PIGK: variants seen among roughly 807,000 people sequenced by gnomAD.
PIGK encodes the protein GPI-anchor transamidase.
PIGK carries 42 observed loss-of-function variants against 50.6 expected under a neutral mutation model. The ratio of observed to expected loss-of-function variants is 0.83; its 90% CI spans 0.65 to 1.07. PIGK has a LOEUF of 1.07. Ranked by LOEUF, PIGK falls within the 50% of genes least tolerant of loss-of-function variation. PIGK has a pLI of 0.00. For missense variants in PIGK, 448 were observed against 488.7 expected, an observed-to-expected ratio of 0.92 and a Z score of 0.78; for synonymous variants, 151 against 156.0, an observed-to-expected ratio of 0.97 and a Z score of 0.24.
chr1:77,204,256 G>C (rs938810821), intron 3 of PIGK, among the ~76,000 whole-genome samples: 3 of 152,080 alleles, frequency 2.0e-5, no homozygotes, highest in African/African-American at 7.2e-5. Context: ...TGCAGATAAG[G>C]GATGAAATAA....
intron 3 of PIGK, 134 bp from the exon 4 acceptor site, chr1:77,169,529 G>T: frequency 1.7e-6 from 1 of 595,448 alleles, no homozygotes; most frequent in East Asian, 3.1e-5. Flanking sequence ...CATAGTTGAA[G>T]GCAATTTAAT....
intron 3 of PIGK, among the ~76,000 whole-genome samples, chr1:77,187,131 A>G (rs1655769435): frequency 6.6e-6 from 1 of 152,128 alleles, no homozygotes; most frequent in Non-Finnish European, 1.5e-5. Context: ...CATGGAATTC[A>G]CTGGTCTTAC....
chr1:77,094,273 G>A (rs1436360960), intron 10 of PIGK, among the ~76,000 whole-genome samples: 9 of 152,122 alleles, frequency 5.9e-5, no homozygotes, highest in Non-Finnish European at 1.3e-4. Context: ...ATCAGATACT[G>A]ATTTTCCCTA....
At chr1:77,182,884 T>TATC (rs1655652887) in intron 3 of PIGK, among the ~76,000 whole-genome samples, 1 of 152,196 alleles carries the variant, frequency 6.6e-6, no homozygotes, top group South Asian at 2.1e-4. Flanking sequence ...CATAATACCT[T>TATC]TGACCATATC....
At chr1:77,130,124 T>C (rs1008053093) in intron 9 of PIGK, among the ~76,000 whole-genome samples, 2 of 151,458 alleles carry the variant, frequency 1.3e-5, no homozygotes, top group Non-Finnish European at 2.9e-5. Context: ...CAGAAATTCT[T>C]TGAAATAGAT....
chr1:77,190,968 G>A (rs537452776), intron 3 of PIGK, among the ~76,000 whole-genome samples: 3 of 152,282 alleles, frequency 2.0e-5, no homozygotes, highest in Middle Eastern at 3.4e-3. Flanking sequence ...CCACCTCACC[G>A]TTCCCTTCCC....
intron 9 of PIGK, among the ~76,000 whole-genome samples, chr1:77,145,972 C>A (rs1654757868): frequency 6.6e-6 from 1 of 151,966 alleles, no homozygotes. Flanking sequence ...GGAGTTATGT[C>A]CCAATAAACT....
At chr1:77,151,400 C>T (rs528366704) in intron 9 of PIGK, among the ~76,000 whole-genome samples, 1 of 152,016 alleles carries the variant, frequency 6.6e-6, no homozygotes, top group Non-Finnish European at 1.5e-5. Flanking sequence ...ATACTTAATG[C>T]GGAACAACTG....
intron 10 of PIGK, among the ~76,000 whole-genome samples, chr1:77,109,478 C>G (rs1016424645): frequency 6.6e-6 from 1 of 152,164 alleles, no homozygotes; most frequent in Admixed American, 6.5e-5. Context: ...TAAACGTAAT[C>G]CAGCATATAA....
chr1:77,208,819 C>T (rs1474497510), intron 2 of PIGK, among the ~76,000 whole-genome samples: 1 of 152,034 alleles, frequency 6.6e-6, no homozygotes, highest in Non-Finnish European at 1.5e-5. Context: ...TTGGAATCAC[C>T]CTATTTACTT....
chr1:77,168,239 T>C (rs1655276878), intron 4 of PIGK, among the ~76,000 whole-genome samples: 1 of 152,184 alleles, frequency 6.6e-6, no homozygotes, highest in Admixed American at 6.5e-5. Context: ...AGCCAACAGC[T>C]GAGTCATATA....
chr1:77,106,032 C>T (rs1174402306), intron 10 of PIGK, among the ~76,000 whole-genome samples: 1 of 152,160 alleles, frequency 6.6e-6, no homozygotes, highest in Non-Finnish European at 1.5e-5. Context: ...CCAAAAAGTA[C>T]ATTAAAACTA....
chr1:77,154,051 G>A (rs1357819700), intron 9 of PIGK: 1 of 216,034 alleles, frequency 4.6e-6, no homozygotes, highest in East Asian at 1.0e-4. Context: ...CTCACTCACT[G>A]CTCACTCACA....
chr1:77,183,850 T>C (rs889850822), intron 3 of PIGK, among the ~76,000 whole-genome samples: 2 of 152,094 alleles, frequency 1.3e-5, no homozygotes, highest in Non-Finnish European at 2.9e-5. Flanking sequence ...ATTAGGGAGA[T>C]TGGGATAGTG....
Position 77,168,030 on chromosome 1 carries a change from A to G in PIGK, c.376-1200T>C, listed in dbSNP as rs188482057. Among the ~76,000 whole-genome samples the G allele has an allele frequency of 1.8e-3, 281 of 152,100 alleles. 2 individuals are homozygous for G. The highest frequency in any genetic ancestry group is 6.3e-3 in the African/African-American group (263 of 41,488). ...ATAAAGGTTGAAAAAGAAAAAAAAA[A>G]AGTTCCATATATATTTCCCCAAAAT... On this transcript the variant is annotated intron_variant, in intron 4 of 10. Coordinates refer to ENST00000370812, the MANE Select transcript of PIGK (RefSeq NM_005482.3).
intron 10 of PIGK, among the ~76,000 whole-genome samples, chr1:77,098,754 T>A (rs574709970): frequency 6.6e-6 from 1 of 152,284 alleles, no homozygotes; most frequent in East Asian, 1.9e-4. Context: ...ATTCAATACA[T>A]GAGGGTCTCC....
intron 8 of PIGK, among the ~76,000 whole-genome samples, chr1:77,157,898 T>C (rs1357022633): frequency 6.6e-6 from 1 of 152,226 alleles, no homozygotes; most frequent in Non-Finnish European, 1.5e-5. Context: ...ACATGCTCTC[T>C]TGACTGCCAC....
intron 9 of PIGK, among the ~76,000 whole-genome samples, chr1:77,140,789 T>C (rs1473573): frequency 6.6e-6 from 1 of 152,218 alleles, no homozygotes; most frequent in Non-Finnish European, 1.5e-5. Flanking sequence ...TCAGTGTTTT[T>C]ACATGCAAAA....
intron 3 of PIGK, among the ~76,000 whole-genome samples, chr1:77,179,499 G>C (rs1655563218): frequency 6.6e-6 from 1 of 152,166 alleles, no homozygotes. Context: ...CTCTTATACT[G>C]CTGAGTGCTC....
Sources: gnomAD v4.1 joint callset for allele counts (sites outside exome capture counted in the v4.1 genomes callset) on GRCh38, gnomAD v4.1.1 for gene constraint, MANE v1.5 for transcripts, NCBI Gene and HGNC (gene_info 2026-07-23, HGNC 2026-07-21) for gene names.